The following FGF14 variants were observed in gnomAD, a reference collection of about 807,000 sequenced individuals.
FGF14 encodes the protein fibroblast growth factor 14.
FGF14 carries 5 observed loss-of-function variants against 25.5 expected under a neutral mutation model. The ratio of observed to expected loss-of-function variants is 0.20; its 90% CI spans 0.10 to 0.41. The LOEUF (loss-of-function observed/expected upper bound fraction) is 0.41. Ranked by LOEUF, FGF14 falls within the 10% of genes least tolerant of loss-of-function variation. FGF14 has a pLI of 1.00. For missense variants in FGF14, 222 were observed against 320.1 expected (o/e 0.69, Z 2.34); for synonymous variants, 138 against 118.3 (o/e 1.17, Z -1.08).
At chr13:102,112,908 T>G (rs970328896) in intron 1 of FGF14, among the ~76,000 whole-genome samples, 25 of 152,178 alleles carry the variant, frequency 1.6e-4, no homozygotes, top group Non-Finnish European at 2.4e-4. Context: ...GGGTTCAGTA[T>G]TCCAAAGATT....
chr13:102,340,986 T>A (rs2056933233), intron 1 of FGF14, among the ~76,000 whole-genome samples: 1 of 152,138 alleles, frequency 6.6e-6, no homozygotes, highest in Admixed American at 6.6e-5. Flanking sequence ...GGTGTAATTA[T>A]GGTAAGAAAA....
chr13:102,326,366 C>G (rs1012862338), intron 1 of FGF14, among the ~76,000 whole-genome samples: 1 of 152,010 alleles, frequency 6.6e-6, no homozygotes, highest in Non-Finnish European at 1.5e-5. Context: ...AGCCTAAGTT[C>G]AATTTAAATA....
intron 1 of FGF14, among the ~76,000 whole-genome samples, chr13:102,212,882 T>C (rs1382399986): frequency 6.6e-6 from 1 of 152,190 alleles, no homozygotes; most frequent in South Asian, 2.1e-4. Flanking sequence ...CCAGGCTGCA[T>C]GTTGCAACTA....
At chr13:102,056,884 G>A (rs2042454924) in intron 1 of FGF14, among the ~76,000 whole-genome samples, 1 of 150,162 alleles carries the variant, frequency 6.7e-6, no homozygotes, top group Admixed American at 6.6e-5. Context: ...CCCTTTTATT[G>A]CAATAGGTAA....
At position 102,127,287 on chromosome 13, in the gene FGF14, T is replaced by A. The variant is rs564019374; in HGVS notation, c.209-251991A>T. Among the ~76,000 whole-genome samples the A allele has an allele frequency of 8.5e-5, 13 of 152,320 alleles. No individual in the cohort carries two copies. The East Asian group carries it at 2.3e-3, about 27-fold the overall frequency. On this transcript the variant is annotated intron_variant, in intron 1 of 4. Transcript: ENST00000376131. ...TGGAATAATGCATTTGTACTAAGCA[T>A]CACACCAAATGTTTTACACACATTA...
At position 101,996,536 on chromosome 13, in the gene FGF14, G is replaced by A. The variant is rs868184519; in HGVS notation, c.209-121240C>T. The stretch of plus-strand genomic sequence containing the variant: ...TAAACTCGGATTAGATTTGGGGGAT[G>A]GATAAAGAAAAAGATGAGATAAAAT... On this transcript the variant is annotated intron_variant, in intron 1 of 4. Coordinates refer to the FGF14 transcript ENST00000376131. 7.3e-4 allele frequency among the ~76,000 whole-genome samples: 111 copies of A among 152,212 alleles called. No homozygotes were observed. The Middle Eastern group carries it at 0.017, about 23-fold the overall frequency.
At chr13:101,952,797 A>C (rs2036255424) in intron 1 of FGF14, among the ~76,000 whole-genome samples, 1 of 152,200 alleles carries the variant, frequency 6.6e-6, no homozygotes, top group Admixed American at 6.5e-5. Context: ...TTAGGAGGCC[A>C]AGGCAGGCGG....
chr13:102,135,053 ACAC>A (rs1566730236), intron 1 of FGF14, among the ~76,000 whole-genome samples: 23 of 150,558 alleles, frequency 1.5e-4, no homozygotes, highest in African/African-American at 5.4e-4. Flanking sequence ...ACACACACAC[ACAC>A]ACACAAATCC....
At chr13:102,109,253 C>G (rs1294999625) in intron 1 of FGF14, among the ~76,000 whole-genome samples, 1 of 151,990 alleles carries the variant, frequency 6.6e-6, no homozygotes, top group Non-Finnish European at 1.5e-5. Context: ...CTGGTAATTA[C>G]CAGGGATTGG....
chr13:101,829,296 CTG>C (rs2140273729), intron 3 of FGF14, among the ~76,000 whole-genome samples: 1 of 152,202 alleles, frequency 6.6e-6, no homozygotes, highest in South Asian at 2.1e-4. Context: ...AGCTTTGAAT[CTG>C]TGTGAAATCA....
chr13:101,847,094 C>A (rs1204829766), intron 3 of FGF14, among the ~76,000 whole-genome samples: 1 of 151,962 alleles, frequency 6.6e-6, no homozygotes, highest in East Asian at 1.9e-4. Context: ...ACACTTCTAC[C>A]TAGCCAACTT....
Position 101,718,605 on chromosome 13 carries a change from A to G in FGF14, c.*4226T>C, listed in dbSNP as rs999611813. 5 of 152,136 alleles carry G rather than the reference A, an allele frequency of 3.3e-5. No individual in the cohort carries two copies. Among genetic ancestry groups the G allele is most frequent in the South Asian group, 2.1e-4 (1 of 4,818 alleles). The allele number at this position is 152,136 out of a possible 1,614,324, so 9.4% of individuals were successfully genotyped here. On this transcript the variant is annotated 3_prime_UTR_variant, in exon 5 of 5. Coordinates refer to ENST00000376143, the MANE Select transcript of FGF14 (RefSeq NM_004115.4). Reference sequence around the variant, plus strand: ...GGTATTCCACCCAGAGACTTTTTCAAAAAAGTCAACTAAAGTGCTAAGTCA... The same window carrying G: ...GGTATTCCACCCAGAGACTTTTTCAGAAAAGTCAACTAAAGTGCTAAGTCA...
intron 1 of FGF14, among the ~76,000 whole-genome samples, chr13:101,926,493 C>T (rs752625876): frequency 1.3e-5 from 2 of 152,252 alleles, no homozygotes; most frequent in African/African-American, 4.8e-5. Flanking sequence ...ATTATTGCAT[C>T]GCTCAGAAAA....
At chr13:102,183,394 T>C (rs1468093342) in intron 1 of FGF14, among the ~76,000 whole-genome samples, 1 of 152,130 alleles carries the variant, frequency 6.6e-6, no homozygotes, top group Admixed American at 6.6e-5. Context: ...ATAAATCAAT[T>C]GCTAAAGAAA....
rs71125026 is a variant in FGF14, at chr13:101,831,240, CTATTTATTTATTTATT to C, written c.408+37469_408+37484del. 6.5e-4 allele frequency among the ~76,000 whole-genome samples: 96 copies of C among 147,466 alleles called. 1 individual carries two copies. Among genetic ancestry groups the C allele is most frequent in the Middle Eastern group, 3.5e-3 (1 of 286 alleles). ...TAATAAGTATTACATATGTTAGTTA[CTATTTATTTATTTATT>C]TATTTATTTATTTATTTATTTATTT... On this transcript the variant is annotated intron_variant, in intron 3 of 4. Transcript: ENST00000376143.
chr13:102,252,865 T>C (rs1390269056), intron 1 of FGF14, among the ~76,000 whole-genome samples: 3 of 152,132 alleles, frequency 2.0e-5, no homozygotes, highest in Non-Finnish European at 2.9e-5. Flanking sequence ...TTCCCTTCCC[T>C]GTGTCCATGT....
Position 102,192,169 on chromosome 13 carries a change from T to G in FGF14, c.208+209302A>C, listed in dbSNP as rs113911142. Among the ~76,000 whole-genome samples, 540 of 152,318 alleles carry G rather than the reference T, an allele frequency of 3.5e-3. 5 individuals carry two copies. Among genetic ancestry groups the G allele is most frequent in the Non-Finnish European group, 5.8e-3 (394 of 68,028 alleles). ...CACAAAGGACACTGACCTGATGATC[T>G]CTGAATTGCCTTTGGGGTCACTACT... On this transcript the variant is annotated intron_variant, in intron 1 of 4. Transcript: ENST00000376131.
intron 3 of FGF14, among the ~76,000 whole-genome samples, chr13:101,851,222 G>A (rs1036728526): frequency 3.3e-5 from 5 of 151,954 alleles, no homozygotes; most frequent in South Asian, 2.1e-4. Flanking sequence ...GCACACAGGC[G>A]GATTTACCTA....
chr13:101,869,888 A>G (rs1324742388), intron 2 of FGF14, among the ~76,000 whole-genome samples: 1 of 152,188 alleles, frequency 6.6e-6, no homozygotes, highest in Non-Finnish European at 1.5e-5. Context: ...AAATTGTGTT[A>G]TATTTAATTC....
Sources: allele counts gnomAD v4.1 joint callset (sites outside exome capture counted in the v4.1 genomes callset), GRCh38; gene constraint gnomAD v4.1.1; transcripts MANE v1.5; gene names NCBI Gene and HGNC (gene_info 2026-07-23, HGNC 2026-07-21).